The following GPR158 variants were observed in gnomAD, a reference collection of about 807,000 sequenced individuals.
The protein encoded by GPR158 is metabotropic glycine receptor.
In GPR158, 30 loss-of-function variants were observed where a neutral mutation model predicts 78.2. That is an observed-to-expected ratio of 0.38 (90% CI 0.29 to 0.52). GPR158 has a LOEUF of 0.52. GPR158 is among the 20% of genes least tolerant of loss of function. The pLI is 0.83. For missense variants in GPR158, 1,463 were observed against 1,523.5 expected, an observed-to-expected ratio of 0.96 and a Z score of 0.66; for synonymous variants, 581 against 591.1, an observed-to-expected ratio of 0.98 and a Z score of 0.25.
chr10:25,267,234 A>G (rs1854055819), intron 2 of GPR158, among the ~76,000 whole-genome samples: 1 of 152,162 alleles, frequency 6.6e-6, no homozygotes, highest in East Asian at 1.9e-4. Context: ...AGAGAGGTTT[A>G]ATTGAGTCCG....
intron 5 of GPR158, among the ~76,000 whole-genome samples, chr10:25,531,389 G>A (rs935335424): frequency 6.6e-6 from 1 of 152,196 alleles, no homozygotes; most frequent in South Asian, 2.1e-4. Context: ...GTGTTAAGCA[G>A]AGCCTTCTAG....
chr10:25,405,428 A>G (rs1834499019), intron 3 of GPR158, among the ~76,000 whole-genome samples: 1 of 150,154 alleles, frequency 6.7e-6, no homozygotes, highest in Non-Finnish European at 1.5e-5. Context: ...ATGTTTCATA[A>G]TGGCTTAGTT....
At chr10:25,479,248 A>C (rs1261902558) in intron 5 of GPR158, among the ~76,000 whole-genome samples, 3 of 152,094 alleles carry the variant, frequency 2.0e-5, no homozygotes, top group South Asian at 2.1e-4. Context: ...TGGGCTAATT[A>C]TTTTTTATTT....
At chr10:25,317,557 G>A (rs1290297823) in intron 2 of GPR158, among the ~76,000 whole-genome samples, 1 of 151,134 alleles carries the variant, frequency 6.6e-6, no homozygotes, top group Non-Finnish European at 1.5e-5. Context: ...TCTTAGTTTT[G>A]GGATTTCCGT....
intron 1 of GPR158, among the ~76,000 whole-genome samples, chr10:25,214,269 C>G (rs1451591613): frequency 6.6e-6 from 1 of 152,150 alleles, no homozygotes; most frequent in Non-Finnish European, 1.5e-5. Context: ...GCTGGGATTA[C>G]AGGCGTGAGC....
rs78045434 is a variant in GPR158, at chr10:25,437,077, C to T, written c.1335+24604C>T. Among the ~76,000 whole-genome samples the T allele has an allele frequency of 3.0e-3, 464 of 152,206 alleles. 10 individuals are homozygous for T. The East Asian group carries it at 0.056, about 18-fold the overall frequency. On this transcript the variant is annotated intron_variant, in intron 4 of 10. Transcript: ENST00000376351. ...GAGGAGGCCTAATATAAGCTTATCACGGTAACTTTGCCACTGTTTTAATTA... is the reference window on the plus strand; with the variant it reads ...GAGGAGGCCTAATATAAGCTTATCATGGTAACTTTGCCACTGTTTTAATTA...
At chr10:25,241,173 CTT>C (rs1238493518) in intron 2 of GPR158, among the ~76,000 whole-genome samples, 1 of 98,606 alleles carries the variant, frequency 1.0e-5, no homozygotes, top group African/African-American at 4.3e-5. Flanking sequence ...TTCTTTCTTT[CTT>C]TCTTTCTTTC....
intron 3 of GPR158, among the ~76,000 whole-genome samples, chr10:25,405,120 A>T (rs12256778): frequency 6.6e-6 from 1 of 152,074 alleles, no homozygotes; most frequent in African/African-American, 2.4e-5. Flanking sequence ...AATAAATTAC[A>T]TCAATGTAGA....
chr10:25,340,741 G>T (rs886373434), intron 2 of GPR158, among the ~76,000 whole-genome samples: 2 of 151,954 alleles, frequency 1.3e-5, no homozygotes, highest in Admixed American at 6.6e-5. Context: ...AATAGAGTGA[G>T]AAATTACAAT....
At chr10:25,464,392 C>T (rs1480576963) in intron 4 of GPR158, among the ~76,000 whole-genome samples, 1 of 152,112 alleles carries the variant, frequency 6.6e-6, no homozygotes, top group African/African-American at 2.4e-5. Context: ...TTTTGGATCC[C>T]AAGCATTAAA....
At chr10:25,241,214 TTCTTTCCTTTTTCTTTCC>T (rs1164704029) in intron 2 of GPR158, among the ~76,000 whole-genome samples, 5 of 146,062 alleles carry the variant, frequency 3.4e-5, no homozygotes, top group South Asian at 4.4e-4. Flanking sequence ...TTTCTTTCCT[TTCTTTCCTTTTTCTTTCC>T]TTTCTTTCCT....
At chr10:25,258,797 C>T (rs1183929061) in intron 2 of GPR158, among the ~76,000 whole-genome samples, 1 of 152,128 alleles carries the variant, frequency 6.6e-6, no homozygotes, top group African/African-American at 2.4e-5. Flanking sequence ...GGAAAATTTA[C>T]ATGTAACTTT....
intron 2 of GPR158, among the ~76,000 whole-genome samples, chr10:25,265,986 G>A (rs886378987): frequency 2.0e-5 from 3 of 152,132 alleles, no homozygotes; most frequent in Non-Finnish European, 4.4e-5. Flanking sequence ...TTGGATTGCT[G>A]TGACTGCTGT....
intron 6 of GPR158, among the ~76,000 whole-genome samples, chr10:25,561,475 C>T (rs1403282176): frequency 6.6e-6 from 1 of 152,104 alleles, no homozygotes; most frequent in Non-Finnish European, 1.5e-5. Context: ...AATAATTGAC[C>T]ATCTGCTTAT....
At chr10:25,222,489 A>G (rs1853312624) in intron 2 of GPR158, among the ~76,000 whole-genome samples, 2 of 151,768 alleles carry the variant, frequency 1.3e-5, no homozygotes, top group East Asian at 3.9e-4. Flanking sequence ...AGAGACTGCC[A>G]TCCACAGTTA....
intron 2 of GPR158, among the ~76,000 whole-genome samples, chr10:25,354,450 A>G (rs1244752356): frequency 5.9e-5 from 9 of 151,902 alleles, no homozygotes; most frequent in African/African-American, 1.9e-4. Flanking sequence ...AACTCTCTAC[A>G]CTTTAGCTCC....
At chr10:25,405,533 G>A (rs1588847722) in intron 3 of GPR158, among the ~76,000 whole-genome samples, 1 of 66,468 alleles carries the variant, frequency 1.5e-5, no homozygotes, top group African/African-American at 6.0e-5. Flanking sequence ...TTTTTTGCTA[G>A]CATGACATTA....
chr10:25,300,362 T>C (rs752330791), intron 2 of GPR158, among the ~76,000 whole-genome samples: 21 of 152,220 alleles, frequency 1.4e-4, no homozygotes, highest in Non-Finnish European at 2.2e-4. Flanking sequence ...GACTCTCTTC[T>C]GCCTTCCTCT....
chr10:25,355,540 G>C (rs1855538623), intron 2 of GPR158, among the ~76,000 whole-genome samples: 1 of 152,032 alleles, frequency 6.6e-6, no homozygotes, highest in Non-Finnish European at 1.5e-5. Context: ...TGTTTGAGGA[G>C]GTCATGGTTC....
Sources: allele counts gnomAD v4.1 joint callset (sites outside exome capture counted in the v4.1 genomes callset), GRCh38; gene constraint gnomAD v4.1.1; transcripts MANE v1.5; gene names NCBI Gene and HGNC (gene_info 2026-07-23, HGNC 2026-07-21).